Variants in CDCA7L observed in about 807,000 individuals in gnomAD.
CDCA7L encodes cell division cycle-associated 7-like protein.
Under a neutral mutation model 57.4 loss-of-function variants are expected in CDCA7L, and 44 were observed. The ratio of observed to expected loss-of-function variants is 0.77; its 90% CI spans 0.60 to 0.98. The LOEUF is 0.98. Among genes scored for constraint, CDCA7L ranks in the 50% least tolerant of loss-of-function variants. CDCA7L has a pLI of 0.00. For synonymous variants in CDCA7L, 236 were observed against 202.8 expected (o/e 1.16, Z -1.39); for missense variants, 644 against 580.6 (o/e 1.11, Z -1.12).
chr7:21,909,467 G>C (rs185359069), intron 3 of CDCA7L, among the ~76,000 whole-genome samples: 1 of 151,976 alleles, frequency 6.6e-6, no homozygotes, highest in African/African-American at 2.4e-5. Flanking sequence ...CTTCCTCCCC[G>C]GTGACGACCA....
intron 2 of CDCA7L, among the ~76,000 whole-genome samples, chr7:21,913,401 G>C (rs1785392256): frequency 6.6e-6 from 1 of 152,042 alleles, no homozygotes; most frequent in Non-Finnish European, 1.5e-5. Flanking sequence ...GTTTAAGGGA[G>C]ACCAGAGTTA....
In CDCA7L at chr7:21,905,586, G is replaced by T; in HGVS notation, c.967C>A (p.Arg323=). 6.2e-7 allele frequency: 1 copy of T among 1,613,940 alleles called. No homozygotes were observed. The highest frequency in any genetic ancestry group is 8.5e-7 in the Non-Finnish European group (1 of 1,179,966). ...YRRRHRISSF[R]PVEDITEEDL... ...TCTTCGGTGATATCCTCCACTGGCC[G>T]AAAAGAAGATATACGGTGACGTCGT... is the stretch of plus-strand genomic sequence containing the variant. The change falls in exon 7 of 10, where the codon CGG becomes AGG. Residue 323 remains arginine (R), a synonymous_variant. Coordinates refer to ENST00000406877, the MANE Select transcript of CDCA7L (RefSeq NM_018719.5).
Position 21,911,006 on chromosome 7 carries a change from ATTTTTTTTTTTTTTTTTTTTTTTTTT to A in CDCA7L, c.303+585_303+610del, listed in dbSNP as rs557286550. Reference sequence around the variant, plus strand: ...AGAGGTTTAAGGAACTCTTGAGATAATTTTTTTTTTTTTTTTTTTTTTTTTTTTTTTTTTTTTTTTTGAGATGGAGT... The same window carrying A: ...AGAGGTTTAAGGAACTCTTGAGATAATTTTTTTTTTTTTTTGAGATGGAGT... On this transcript the variant is annotated intron_variant, in intron 3 of 9. Transcript: ENST00000406877. 6.9e-4 allele frequency among the ~76,000 whole-genome samples: 57 copies of A among 82,528 alleles called. 1 individual carries two copies. Among genetic ancestry groups the A allele is most frequent in the Admixed American group, 9.8e-4 (6 of 6,134 alleles). The allele number at this position is 82,528 out of a possible 152,430, so 54.1% of individuals were successfully genotyped here.
At chr7:21,944,428 A>C (rs1176134502) in intron 1 of CDCA7L, among the ~76,000 whole-genome samples, 1 of 127,202 alleles carries the variant, frequency 7.9e-6, no homozygotes, top group Non-Finnish European at 1.6e-5. Context: ...TCCACCCCGG[A>C]CAAGAGCGAA....
In CDCA7L at chr7:21,906,297, T is replaced by G. The variant is rs767849344; in HGVS notation, c.913A>C (p.Thr305Pro). 1 of 1,594,440 alleles carries G rather than the reference T, an allele frequency of 6.3e-7. No individual in the cohort carries two copies. Among genetic ancestry groups the G allele is most frequent in the Non-Finnish European group, 8.5e-7 (1 of 1,171,544 alleles). ...EEFYSFRRRK[T>P]IGGKCREYRR... ...TATTAGTCAGAAAATACCCCAATTGTCTTCCTTCTTCGGAAGCTGTAAAAC... is the reference window on the plus strand; with the variant it reads ...TATTAGTCAGAAAATACCCCAATTGGCTTCCTTCTTCGGAAGCTGTAAAAC... Residue 305 changes from threonine (T) to proline (P), a missense_variant, in exon 6 of 10, where the codon ACA becomes CCA. By Grantham distance (38) the Thr-to-Pro change is conservative. Transcript: ENST00000406877.
At chr7:21,945,536 G>A (rs902674573) in intron 1 of CDCA7L, among the ~76,000 whole-genome samples, 3 of 152,092 alleles carry the variant, frequency 2.0e-5, no homozygotes, top group Non-Finnish European at 4.4e-5. Context: ...AGACTGAGCA[G>A]AGCGCCAGGC....
chr7:21,918,329 C>T (rs538417424), intron 1 of CDCA7L, among the ~76,000 whole-genome samples: 51 of 152,342 alleles, frequency 3.3e-4, no homozygotes, highest in Admixed American at 2.8e-3. Context: ...ACCCAACTCC[C>T]CTTCTTCTAA....
chr7:21,914,783 T>A (rs374348491), intron 2 of CDCA7L, among the ~76,000 whole-genome samples: 2 of 152,182 alleles, frequency 1.3e-5, no homozygotes, highest in Admixed American at 1.3e-4. Context: ...AACTGCAGCT[T>A]CCCAGGGAGG....
intron 1 of CDCA7L, among the ~76,000 whole-genome samples, chr7:21,918,152 C>G (rs1361606276): frequency 6.6e-6 from 1 of 152,112 alleles, no homozygotes; most frequent in Non-Finnish European, 1.5e-5. Flanking sequence ...TAAGGGGGCA[C>G]AAAATGTCAA....
chr7:21,945,299 A>T (rs1786484618), intron 1 of CDCA7L, among the ~76,000 whole-genome samples: 1 of 152,176 alleles, frequency 6.6e-6, no homozygotes, highest in Admixed American at 6.5e-5. Flanking sequence ...TCTAGAATAA[A>T]CACTAAAGTT....
chr7:21,902,903 T>C, intron 9 of CDCA7L, 75 bp downstream of exon 9: 2 of 1,437,630 alleles, frequency 1.4e-6, no homozygotes, highest in Non-Finnish European at 1.9e-6. Flanking sequence ...AGGCAACAAC[T>C]ACTTGCCCAG....
intron 1 of CDCA7L, among the ~76,000 whole-genome samples, chr7:21,928,430 G>A (rs1027801002): frequency 2.6e-5 from 4 of 151,978 alleles, no homozygotes; most frequent in African/African-American, 9.7e-5. Flanking sequence ...TACCAGCAAG[G>A]GAACAAAACT....
chr7:21,923,497 A>C (rs1785729648), intron 1 of CDCA7L, among the ~76,000 whole-genome samples: 1 of 152,132 alleles, frequency 6.6e-6, no homozygotes, highest in Non-Finnish European at 1.5e-5. Context: ...CCTGTCTCTA[A>C]AAGAGAAAAA....
chr7:21,922,964 G>C (rs1296443370), intron 1 of CDCA7L, among the ~76,000 whole-genome samples: 1 of 152,168 alleles, frequency 6.6e-6, no homozygotes, highest in Non-Finnish European at 1.5e-5. Flanking sequence ...TACCTAGAGT[G>C]GTTGAATCCT....
chr7:21,940,351 A>G (rs1206586801), intron 1 of CDCA7L: 1 of 970,008 alleles, frequency 1.0e-6, no homozygotes, highest in African/African-American at 1.8e-5. Context: ...ATGTTAATTA[A>G]AAGAGTATAT....
In CDCA7L at chr7:21,933,958, C is replaced by A. The variant is rs1786090814; in HGVS notation, c.24+11823G>T. Among the ~76,000 whole-genome samples the A allele has an allele frequency of 3.3e-5, 5 of 151,238 alleles. No homozygotes were observed. The South Asian group carries it at 1.0e-3, about 31-fold the overall frequency. On this transcript the variant is annotated intron_variant, in intron 1 of 9. Coordinates refer to ENST00000406877, the MANE Select transcript of CDCA7L (RefSeq NM_018719.5). ...TGGTTAAAAAAAAAAAACTGCCCTTCAAAAATGAGATAAAAATTAAGACAT... is the reference window on the plus strand; with the variant it reads ...TGGTTAAAAAAAAAAAACTGCCCTTAAAAAATGAGATAAAAATTAAGACAT...
chr7:21,916,954 C>A, intron 1 of CDCA7L, 60 bp from the exon 2 acceptor site: 1 of 1,595,060 alleles, frequency 6.3e-7, no homozygotes, highest in Non-Finnish European at 8.6e-7. Context: ...CACTTAGGGA[C>A]ATTTTCTGGA....
At chr7:21,945,410 T>C (rs1345121841) in intron 1 of CDCA7L, among the ~76,000 whole-genome samples, 3 of 150,974 alleles carry the variant, frequency 2.0e-5, no homozygotes, top group Non-Finnish European at 4.4e-5. Flanking sequence ...TCTGTGCCAA[T>C]TCCCGGAGAA....
chr7:21,905,575 C>T lies in CDCA7L; in HGVS notation c.978G>A (p.Glu326=), dbSNP rs753712478. The T allele has an allele frequency of 6.2e-7, 1 of 1,613,980 alleles. No individual in the cohort carries two copies. The highest frequency in any genetic ancestry group is 1.3e-5 in the African/African-American group (1 of 74,992). ...TTTCTAAGTCCTCTTCGGTGATATC[C>T]TCCACTGGCCGAAAAGAAGATATAC... ...RHRISSFRPV[E]DITEEDLENV... Residue 326 remains glutamate, a synonymous_variant, in exon 7 of 10, where the codon GAG becomes GAA. Transcript: ENST00000406877.
Sources: allele counts gnomAD v4.1 joint callset (sites outside exome capture counted in the v4.1 genomes callset), GRCh38; gene constraint gnomAD v4.1.1; transcripts MANE v1.5; gene names NCBI Gene and HGNC (gene_info 2026-07-23, HGNC 2026-07-21).